Variants in CFAP263 observed in about 807,000 individuals in gnomAD.
CFAP263 encodes the protein cilia- and flagella-associated protein 263.
chr16:58,251,763 C>A, the CFAP263 span, among the ~76,000 whole-genome samples: 1 of 152,032 alleles, frequency 6.6e-6, no homozygotes. Flanking sequence ...ACTTTTGTAC[C>A]AACCTAATAG....
At chr16:58,261,538 G>A in the CFAP263 span, among the ~76,000 whole-genome samples, 825 of 152,330 alleles carry the variant, frequency 5.4e-3, 5 homozygotes, top group African/African-American at 0.019. Flanking sequence ...GTGTATATGT[G>A]TAATTGTATA....
the CFAP263 span, among the ~76,000 whole-genome samples, chr16:58,264,070 C>T: frequency 1.3e-5 from 2 of 152,194 alleles, no homozygotes; most frequent in African/African-American, 4.8e-5. Context: ...GCATAAAGTA[C>T]GTAGAAAACA....
the CFAP263 span, among the ~76,000 whole-genome samples, chr16:58,255,073 G>GC: frequency 6.6e-6 from 1 of 152,140 alleles, no homozygotes; most frequent in African/African-American, 2.4e-5. Context: ...TCGGCTGTCT[G>GC]CAGGCTGTGA....
chr16:58,270,525 T>C, the CFAP263 span, among the ~76,000 whole-genome samples: 2 of 152,178 alleles, frequency 1.3e-5, no homozygotes, highest in Non-Finnish European at 2.9e-5. Context: ...ATCATCTGTA[T>C]AAGATTCACA....
the CFAP263 span, among the ~76,000 whole-genome samples, chr16:58,264,599 G>T: frequency 2.0e-5 from 3 of 152,184 alleles, no homozygotes; most frequent in East Asian, 1.9e-4. Flanking sequence ...GGCAAGTTTT[G>T]TGTCACCAGG....
chr16:58,258,950 C>G, the CFAP263 span, among the ~76,000 whole-genome samples: 1 of 151,514 alleles, frequency 6.6e-6, no homozygotes, highest in African/African-American at 2.4e-5. Context: ...TGCACTCCAG[C>G]CTGGGCAGCA....
the CFAP263 span, among the ~76,000 whole-genome samples, chr16:58,260,906 G>A: frequency 6.1e-3 from 924 of 152,222 alleles, 10 homozygotes; most frequent in African/African-American, 0.021. Flanking sequence ...ATCTGTTCAG[G>A]TACAGGATGG....
chr16:58,276,367 A>G, the CFAP263 span, among the ~76,000 whole-genome samples: 1 of 152,200 alleles, frequency 6.6e-6, no homozygotes, highest in East Asian at 1.9e-4. Flanking sequence ...TTATAAAGGG[A>G]AATTTAGCAC....
At chr16:58,263,539 T>G in the CFAP263 span, among the ~76,000 whole-genome samples, 1 of 152,226 alleles carries the variant, frequency 6.6e-6, no homozygotes, top group Non-Finnish European at 1.5e-5. Flanking sequence ...AGTGCTCAGG[T>G]GGCAATGGTG....
chr16:58,267,520 C>T, the CFAP263 span: 2 of 1,613,554 alleles, frequency 1.2e-6, no homozygotes, highest in South Asian at 2.2e-5. Context: ...TCAATCTGGA[C>T]AAGGAGATCT....
the CFAP263 span, among the ~76,000 whole-genome samples, chr16:58,251,169 G>A: frequency 6.6e-6 from 1 of 152,114 alleles, no homozygotes; most frequent in Non-Finnish European, 1.5e-5. Flanking sequence ...TTACATATAT[G>A]ATCTTATATG....
chr16:58,280,672 G>T, the CFAP263 span: 5 of 1,614,040 alleles, frequency 3.1e-6, no homozygotes, highest in Non-Finnish European at 4.2e-6. Flanking sequence ...GCCAGGGCAC[G>T]TCTCACCACC....
the CFAP263 span, among the ~76,000 whole-genome samples, chr16:58,271,308 G>A: frequency 6.6e-6 from 1 of 152,056 alleles, no homozygotes; most frequent in Non-Finnish European, 1.5e-5. Context: ...TAGATTTACA[G>A]GAAAATTGTG....
the CFAP263 span, among the ~76,000 whole-genome samples, chr16:58,266,964 G>A: frequency 6.6e-6 from 1 of 152,200 alleles, no homozygotes; most frequent in Non-Finnish European, 1.5e-5. Flanking sequence ...TGACCTTGGG[G>A]AAATGGTTTT....
the CFAP263 span, among the ~76,000 whole-genome samples, chr16:58,267,914 T>C: frequency 6.6e-6 from 1 of 151,694 alleles, no homozygotes; most frequent in Admixed American, 6.6e-5. Flanking sequence ...CCAGGAAAAA[T>C]GTTTAATGCC....
chr16:58,268,799 C>G, the CFAP263 span, among the ~76,000 whole-genome samples: 1 of 152,148 alleles, frequency 6.6e-6, no homozygotes, highest in African/African-American at 2.4e-5. Flanking sequence ...TATTAGATTA[C>G]AAGTAAAACT....
chr16:58,267,424 C>T, the CFAP263 span: 9 of 1,177,136 alleles, frequency 7.6e-6, no homozygotes, highest in Non-Finnish European at 1.1e-5. Flanking sequence ...TCTCCCCTTC[C>T]TGCGGTTCTG....
the CFAP263 span, among the ~76,000 whole-genome samples, chr16:58,276,063 A>G: frequency 1.3e-5 from 2 of 152,204 alleles, no homozygotes; most frequent in African/African-American, 4.8e-5. Flanking sequence ...CTAAAACCAC[A>G]AGGAGCTAAT....
the CFAP263 span, chr16:58,280,221 G>T: frequency 1.2e-6 from 2 of 1,604,794 alleles, no homozygotes; most frequent in Non-Finnish European, 1.7e-6. Flanking sequence ...GGTAGCTCCT[G>T]GACTAGATAC....
Sources: gnomAD v4.1 joint callset for allele counts (sites outside exome capture counted in the v4.1 genomes callset) on GRCh38, gnomAD v4.1.1 for gene constraint, MANE v1.5 for transcripts, NCBI Gene and HGNC (gene_info 2026-07-23, HGNC 2026-07-21) for gene names.